PKHD1: variants seen among roughly 807,000 people sequenced by gnomAD.
PKHD1 encodes fibrocystin.
In PKHD1, 291 loss-of-function variants were observed where a neutral mutation model predicts 412.0. The observed-to-expected ratio is 0.71, with a 90% confidence interval of 0.64 to 0.78. The LOEUF (loss-of-function observed/expected upper bound fraction) is 0.78. PKHD1 is among the 30% of genes least tolerant of loss of function. PKHD1 has a pLI of 0.00. For synonymous variants in PKHD1, 1,777 were observed against 1,821.5 expected, an observed-to-expected ratio of 0.98 and a Z score of 0.62; for missense variants, 4,825 against 4,950.7, an observed-to-expected ratio of 0.97 and a Z score of 0.76.
rs1372841014 is a variant in PKHD1 at position 51,754,899 on chromosome 6, G to C, written c.8682C>G (p.Asp2894Glu). The C allele has an allele frequency of 6.2e-7, 1 of 1,613,608 alleles. No individual in the cohort carries two copies. The highest frequency in any genetic ancestry group is 1.3e-5 in the African/African-American group (1 of 74,994). The part of the protein sequence containing the change: ...VEDAVDWRPH[D>E]KIVLSSSSYE... ...AAGAAGAGGAGCTAAGGACTATTTT[G>C]TCATGGGGGCGCCAATCCACTGCAT... Residue 2894 changes from aspartate (D) to glutamate (E), a missense_variant, in exon 56 of 67, where the codon GAC (aspartate) becomes GAG (glutamate). Asp to Glu is a conservative substitution (Grantham distance 45). Transcript: ENST00000371117.
rs763061534 is a variant in PKHD1, at chr6:51,748,355, C to T, written c.9261G>A (p.Lys3087=). ...WVAGIKVNQV[K]DINLHGNVVA... ...CAACGTTGCCATGGAGGTTGATGTC[C>T]TTTACCTGGTTCACTTTGATTCCCG... is the stretch of plus-strand genomic sequence containing the variant. The change falls in exon 58 of 67, where the codon AAG becomes AAA. Residue 3087 remains lysine (K), a synonymous_variant. Coordinates refer to ENST00000371117, the MANE Select transcript of PKHD1 (RefSeq NM_138694.4). 7 of 1,613,926 alleles carry T rather than the reference C, an allele frequency of 4.3e-6. No individual in the cohort carries two copies. In the African/African-American group the frequency reaches 6.7e-5, roughly 15 times the overall value.
intron 6 of PKHD1, among the ~76,000 whole-genome samples, chr6:52,074,860 G>C (rs1811131673): frequency 1.3e-5 from 2 of 152,168 alleles, no homozygotes; most frequent in African/African-American, 4.8e-5. Flanking sequence ...CCTGCCCAGG[G>C]GGGACCACTC....
Position 51,701,610 on chromosome 6 carries a change from G to A in PKHD1, c.10157-41641C>T, listed in dbSNP as rs145997357. The stretch of plus-strand genomic sequence containing the variant: ...AAATCAATTAACCAGTTTTCATTAA[G>A]CACCTGTTATTCATTCAGCCCTATG... On this transcript the variant is annotated intron_variant, in intron 60 of 66. Coordinates refer to ENST00000371117, the MANE Select transcript of PKHD1 (RefSeq NM_138694.4). Among the ~76,000 whole-genome samples the A allele has an allele frequency of 9.5e-3, 1,448 of 151,962 alleles. 20 individuals carry two copies. Among genetic ancestry groups the A allele is most frequent in the African/African-American group, 0.033 (1,366 of 41,484 alleles).
rs968862411 is a variant in PKHD1, at chr6:51,912,101, C to CACA, written c.6333-148_6333-146dup. The CACA allele has an allele frequency of 8.3e-6, 6 of 724,290 alleles. No individual in the cohort carries two copies. The Admixed American group carries it at 1.4e-4, about 17-fold the overall frequency. 44.9% of individuals were successfully genotyped at this position (724,290 alleles called of 1,614,324 possible). On this transcript the variant is annotated intron_variant, in intron 38 of 66. Transcript: ENST00000371117. The stretch of plus-strand genomic sequence containing the variant: ...TCAATACCAAATAGTGAACTATAGA[C>CACA]ACAAGTACATGAAAATTAGAAACTA...
At chr6:52,074,817 G>A (rs1429339257) in intron 6 of PKHD1, among the ~76,000 whole-genome samples, 1 of 152,170 alleles carries the variant, frequency 6.6e-6, no homozygotes, top group African/African-American at 2.4e-5. Context: ...GTATTCATCT[G>A]GAAAGTGATT....
intron 36 of PKHD1, among the ~76,000 whole-genome samples, chr6:51,935,683 T>C (rs2127775505): frequency 6.6e-6 from 1 of 152,294 alleles, no homozygotes. Flanking sequence ...CTCTCTAATA[T>C]CATTTTCTAA....
chr6:51,974,818 G>A (rs1346880287), intron 35 of PKHD1, among the ~76,000 whole-genome samples: 1 of 152,120 alleles, frequency 6.6e-6, no homozygotes, highest in Non-Finnish European at 1.5e-5. Flanking sequence ...ATTTATTCAT[G>A]TAACCAAACA....
chr6:52,009,304 T>G (rs938920493), intron 35 of PKHD1, among the ~76,000 whole-genome samples: 3 of 152,128 alleles, frequency 2.0e-5, no homozygotes. Context: ...AACAGTTTAG[T>G]AAGGACAGAA....
intron 5 of PKHD1, among the ~76,000 whole-genome samples, chr6:52,078,676 G>A (rs1359269086): frequency 6.6e-6 from 1 of 152,082 alleles, no homozygotes; most frequent in Non-Finnish European, 1.5e-5. Flanking sequence ...TTTAGGAAAC[G>A]TTTCTCTTAT....
intron 60 of PKHD1, among the ~76,000 whole-genome samples, chr6:51,737,837 C>A (rs1314082612): frequency 1.3e-5 from 2 of 151,872 alleles, no homozygotes; most frequent in African/African-American, 4.8e-5. Flanking sequence ...CTAGATGATC[C>A]TAATGATAAG....
chr6:51,928,238 A>T (rs909606388), intron 37 of PKHD1, among the ~76,000 whole-genome samples: 13 of 152,196 alleles, frequency 8.5e-5, no homozygotes, highest in African/African-American at 3.1e-4. Flanking sequence ...TTTAAACTAG[A>T]TTAATCAGGA....
At chr6:51,969,661 C>T (rs995711607) in intron 35 of PKHD1, among the ~76,000 whole-genome samples, 3 of 152,122 alleles carry the variant, frequency 2.0e-5, no homozygotes, top group Admixed American at 6.5e-5. Flanking sequence ...ATTTGACTTT[C>T]TGAGTTACTT....
intron 35 of PKHD1, among the ~76,000 whole-genome samples, chr6:51,968,945 A>G (rs888498530): frequency 6.6e-6 from 1 of 152,208 alleles, no homozygotes; most frequent in African/African-American, 2.4e-5. Context: ...TCTCCCCTTC[A>G]GCAGAAGTAG....
chr6:52,016,867 T>C (rs1800621900), intron 34 of PKHD1, among the ~76,000 whole-genome samples: 1 of 152,162 alleles, frequency 6.6e-6, no homozygotes, highest in African/African-American at 2.4e-5. Context: ...ACTTGGAAAG[T>C]TGTGGTGTTT....
At position 52,053,169 on chromosome 6, in the gene PKHD1, C is replaced by T. The variant is rs1807144300; in HGVS notation, c.2047G>A (p.Val683Met). 3 of 1,614,200 alleles carry T rather than the reference C, an allele frequency of 1.9e-6. No homozygotes were observed. Among genetic ancestry groups the T allele is most frequent in the Non-Finnish European group, 2.5e-6 (3 of 1,180,004 alleles). Residue 683 changes from valine to methionine, a missense_variant, in exon 21 of 67, where the codon GTG (valine) becomes ATG (methionine). Val to Met is a conservative substitution (Grantham distance 21). Coordinates refer to ENST00000371117, the MANE Select transcript of PKHD1 (RefSeq NM_138694.4). ...AGAAGGTTGATCTGATGAACCAGCA[C>T]TGGGGAGTTTGCCGGAGGGGGCTGG... Reference protein sequence around the residue: ...DLQPPPANSPVLVHQINLLPL... With the variant: ...DLQPPPANSPMLVHQINLLPL...
At chr6:51,950,220 A>AAAATATATATATAT in intron 36 of PKHD1, among the ~76,000 whole-genome samples, 10 of 98,284 alleles carry the variant, frequency 1.0e-4, no homozygotes, top group South Asian at 4.1e-4. Context: ...GAAAAAAAAA[A>AAAATATATATATAT]ATATATATAT....
chr6:51,719,543 C>G lies in PKHD1; in HGVS notation c.10156+24842G>C, dbSNP rs143896636. ...AATGTCATCAAATACTGCCAAACTT[C>G]CCCTGGCAGCAAAATTAATCATTGA... On this transcript the variant is annotated intron_variant, in intron 60 of 66. Transcript: ENST00000371117. Among the ~76,000 whole-genome samples the G allele has an allele frequency of 3.9e-4, 59 of 152,230 alleles. No individual in the cohort carries two copies. In the East Asian group the frequency reaches 9.6e-3, roughly 25 times the overall value.
chr6:52,073,551 G>A lies in PKHD1; in HGVS notation c.449-10C>T. 2 of 1,543,698 alleles carry A rather than the reference G, an allele frequency of 1.3e-6. No homozygotes were observed. Among genetic ancestry groups the A allele is most frequent in the Non-Finnish European group, 9.0e-7 (1 of 1,116,924 alleles). ...ACATGTATTAGTTTTCCTGTTTGAA[G>A]AAGAATTTTTTTAATTTAATGGACT... is the stretch of plus-strand genomic sequence containing the variant. On this transcript the variant is annotated splice_polypyrimidine_tract_variant and intron_variant, in intron 6 of 66. Coordinates refer to ENST00000371117, the MANE Select transcript of PKHD1 (RefSeq NM_138694.4).
intron 5 of PKHD1, 27 bp from the exon 6 acceptor site, chr6:52,076,360 A>G: frequency 6.4e-7 from 1 of 1,571,314 alleles, no homozygotes. Context: ...ACCACAAGTG[A>G]GCATGTCATT....
Sources: gnomAD v4.1 joint callset for allele counts (sites outside exome capture counted in the v4.1 genomes callset) on GRCh38, gnomAD v4.1.1 for gene constraint, MANE v1.5 for transcripts, NCBI Gene and HGNC (gene_info 2026-07-23, HGNC 2026-07-21) for gene names.